PRKAR1B: variants seen among roughly 807,000 people sequenced by gnomAD.
PRKAR1B encodes the protein cAMP-dependent protein kinase type I-beta regulatory subunit.
A neutral mutation model predicts 46.5 loss-of-function variants in PRKAR1B; 22 were observed. The ratio of observed to expected loss-of-function variants is 0.47; its 90% CI spans 0.34 to 0.68. The LOEUF (loss-of-function observed/expected upper bound fraction) is 0.68. PRKAR1B is among the 30% of genes least tolerant of loss of function. The pLI is 0.01. For synonymous variants in PRKAR1B, 259 were observed against 217.7 expected, an observed-to-expected ratio of 1.19 and a Z score of -1.67; for missense variants, 445 against 535.6, an observed-to-expected ratio of 0.83 and a Z score of 1.67.
intron 7 of PRKAR1B, 83 bp downstream of exon 7, chr7:596,063 C>T (rs1227355776): frequency 1.1e-5 from 16 of 1,516,714 alleles, no homozygotes; most frequent in Non-Finnish European, 1.4e-5. Flanking sequence ...AGGTGCATCC[C>T]CACCTTGAAT....
At chr7:691,458 C>T (rs1196864716) in intron 2 of PRKAR1B, 10 of 1,298,968 alleles carry the variant, frequency 7.7e-6, no homozygotes, top group Non-Finnish European at 7.1e-6. Flanking sequence ...CCTCCACTCC[C>T]ACGGATGAAG....
In PRKAR1B at chr7:549,836, A is replaced by C. The variant is rs971878258; in HGVS notation, c.*594T>G. The C allele has an allele frequency of 2.2e-4, 34 of 154,704 alleles. No homozygotes were observed. Among genetic ancestry groups the C allele is most frequent in the African/African-American group, 8.2e-4 (34 of 41,424 alleles). The allele number at this position is 154,704 out of a possible 1,614,324, so 9.6% of individuals were successfully genotyped here. A position where few individuals can be genotyped will look rare whatever the true frequency, so the allele number is the denominator to read the frequency against. On this transcript the variant is annotated 3_prime_UTR_variant, in exon 11 of 11. Transcript: ENST00000537384. ...GGGCAAGATCAATCTCACAGCTCAG[A>C]GACTCTCCCACTCCGGCATCCGCAG...
At chr7:671,739 C>T (rs530527147) in intron 4 of PRKAR1B, among the ~76,000 whole-genome samples, 2 of 152,176 alleles carry the variant, frequency 1.3e-5, no homozygotes, top group Non-Finnish European at 2.9e-5. Flanking sequence ...ATGCCTTGTT[C>T]CCTGTGGCCC....
At chr7:640,038 C>T (rs892424470) in intron 4 of PRKAR1B, among the ~76,000 whole-genome samples, 7 of 149,880 alleles carry the variant, frequency 4.7e-5, no homozygotes, top group Non-Finnish European at 8.9e-5. Flanking sequence ...TGGCATGCGC[C>T]TGTAGTCCCA....
chr7:564,515 C>G (rs145197680), intron 9 of PRKAR1B, among the ~76,000 whole-genome samples: 182 of 152,330 alleles, frequency 1.2e-3, no homozygotes, highest in African/African-American at 4.3e-3. Flanking sequence ...GTCCTCTCCA[C>G]GTGGGCAGTC....
At chr7:605,776 G>A (rs992653972) in intron 6 of PRKAR1B, among the ~76,000 whole-genome samples, 7 of 152,258 alleles carry the variant, frequency 4.6e-5, no homozygotes, top group Admixed American at 1.3e-4. Flanking sequence ...TGAAGTCGTC[G>A]GTCCTAGGGG....
chr7:694,561 A>C (rs1182585511), intron 2 of PRKAR1B, among the ~76,000 whole-genome samples: 3 of 152,086 alleles, frequency 2.0e-5, no homozygotes, highest in African/African-American at 7.2e-5. Flanking sequence ...CATATACTTT[A>C]AAGCCTGTTT....
intron 4 of PRKAR1B, among the ~76,000 whole-genome samples, chr7:623,451 C>T (rs570571080): frequency 2.3e-4 from 35 of 152,342 alleles, no homozygotes; most frequent in African/African-American, 8.2e-4. Flanking sequence ...CAGCCAGAAC[C>T]GATCACCCAC....
chr7:689,799 C>G (rs1254818739), intron 2 of PRKAR1B, among the ~76,000 whole-genome samples: 1 of 151,988 alleles, frequency 6.6e-6, no homozygotes, highest in Non-Finnish European at 1.5e-5. Context: ...CCTGCCTCAG[C>G]CTCTCGAGTA....
intron 4 of PRKAR1B, among the ~76,000 whole-genome samples, chr7:630,109 G>A (rs1235206556): frequency 6.6e-6 from 1 of 152,254 alleles, no homozygotes; most frequent in East Asian, 1.9e-4. Flanking sequence ...TTCCACGGCT[G>A]CTGCTTCAAA....
intron 6 of PRKAR1B, among the ~76,000 whole-genome samples, chr7:598,813 G>A (rs1398646468): frequency 6.6e-6 from 1 of 152,250 alleles, no homozygotes; most frequent in Non-Finnish European, 1.5e-5. Context: ...CCAAGGAGGT[G>A]AGTGAGCCTC....
At chr7:669,503 C>T (rs1024953035) in intron 4 of PRKAR1B, among the ~76,000 whole-genome samples, 1 of 152,102 alleles carries the variant, frequency 6.6e-6, no homozygotes, top group East Asian at 1.9e-4. Context: ...GTGGCTCACA[C>T]CTGTAATCCC....
rs570284003 is a variant in PRKAR1B at position 669,867 on chromosome 7, A to ATTTTTTTTTT, written c.440+7352_440+7361dup. ...GCTGGTGGGCAGGTCCACGTGCCAT[A>ATTTTTTTTTT]TTTTTTTTTTTTTTTTGAGACGGAG... On this transcript the variant is annotated intron_variant, in intron 4 of 10. Transcript: ENST00000537384. 7.9e-3 allele frequency among the ~76,000 whole-genome samples: 1,036 copies of ATTTTTTTTTT among 131,224 alleles called. 37 individuals carry two copies. Among genetic ancestry groups the ATTTTTTTTTT allele is most frequent in the East Asian group, 0.024 (106 of 4,424 alleles). The allele number at this position is 131,224 out of a possible 152,430, so 86.1% of individuals were successfully genotyped here. A position where few individuals can be genotyped will look rare whatever the true frequency, so the allele number is the denominator to read the frequency against.
intron 6 of PRKAR1B, among the ~76,000 whole-genome samples, chr7:603,572 G>A (rs1473388316): frequency 6.6e-6 from 1 of 152,088 alleles, no homozygotes; most frequent in African/African-American, 2.4e-5. Flanking sequence ...GGAAGGAGAC[G>A]GCAGGGGAGG....
At chr7:715,921 T>G (rs949838927) in intron 1 of PRKAR1B, among the ~76,000 whole-genome samples, 1 of 152,168 alleles carries the variant, frequency 6.6e-6, no homozygotes, top group African/African-American at 2.4e-5. Flanking sequence ...TTCACCGTGT[T>G]AGCCAGGATG....
chr7:634,764 C>T lies in PRKAR1B; in HGVS notation c.441-27312G>A, dbSNP rs530555223. Among the ~76,000 whole-genome samples the T allele has an allele frequency of 9.2e-5, 14 of 152,026 alleles. No individual in the cohort carries two copies. The East Asian group carries it at 1.5e-3, about 17-fold the overall frequency. ...CAGTGATTCCCCTGCCTCAGCCTCC[C>T]GAGTAGCTGGGATTACAGGCACCCG... is the stretch of plus-strand genomic sequence containing the variant. On this transcript the variant is annotated intron_variant, in intron 4 of 10. Transcript: ENST00000537384.
Position 606,192 on chromosome 7 carries a change from C to T in PRKAR1B, c.549+1G>A. The T allele has an allele frequency of 6.2e-7, 1 of 1,613,996 alleles. No homozygotes were observed. Among genetic ancestry groups the T allele is most frequent in the Non-Finnish European group, 8.5e-7 (1 of 1,179,894 alleles). On this transcript the variant is annotated splice_donor_variant, in intron 6 of 10. Transcript: ENST00000537384. LOFTEE classifies it high-confidence loss of function. ...TCCAAAGACAAGTTAGCGACACTCACATCCACTTCCCCTTGATCAACGACA... is the reference window on the plus strand; with the variant it reads ...TCCAAAGACAAGTTAGCGACACTCATATCCACTTCCCCTTGATCAACGACA...
At chr7:662,749 C>T (rs893971793) in intron 4 of PRKAR1B, among the ~76,000 whole-genome samples, 1 of 152,206 alleles carries the variant, frequency 6.6e-6, no homozygotes, top group African/African-American at 2.4e-5. Context: ...CTGAGCTCCC[C>T]TCCAGTCCCA....
chr7:696,229 C>T (rs539820009), intron 2 of PRKAR1B, among the ~76,000 whole-genome samples: 2 of 151,996 alleles, frequency 1.3e-5, no homozygotes, highest in East Asian at 3.9e-4. Context: ...TCCCAAAGTG[C>T]TGGGATGACA....
Sources: allele counts gnomAD v4.1 joint callset (sites outside exome capture counted in the v4.1 genomes callset), GRCh38; gene constraint gnomAD v4.1.1; transcripts MANE v1.5; gene names NCBI Gene and HGNC (gene_info 2026-07-23, HGNC 2026-07-21).